The following PRKDC variants were observed in gnomAD, a reference collection of about 807,000 sequenced individuals.
The protein encoded by PRKDC is protein kinase, DNA-activated, catalytic subunit.
In PRKDC, 82 loss-of-function variants were observed where a neutral mutation model predicts 486.9. The ratio of observed to expected loss-of-function variants is 0.17; its 90% confidence interval spans 0.14 to 0.20. The LOEUF (loss-of-function observed/expected upper bound fraction) is 0.20, where lower values mean the gene tolerates loss of function less well. Ranked by LOEUF, PRKDC falls within the 10% of genes least tolerant of loss-of-function variation. PRKDC has a pLI of 1.00. For missense variants in PRKDC, 4,504 were observed against 5,038.2 expected (o/e 0.89, Z 3.21); for synonymous variants, 1,895 against 1,837.0 (o/e 1.03, Z -0.81).
At chr8:47,938,397 G>A (rs1439224726) in intron 11 of PRKDC, among the ~76,000 whole-genome samples, 1 of 141,336 alleles carries the variant, frequency 7.1e-6, no homozygotes, top group Non-Finnish European at 1.5e-5. Context: ...GGCAACAAAA[G>A]CGAAACTCCA....
intron 31 of PRKDC, 54 bp from the exon 32 acceptor site, chr8:47,890,534 G>T: frequency 1.5e-6 from 2 of 1,351,502 alleles, no homozygotes; most frequent in Non-Finnish European, 2.0e-6. Context: ...ACTCCACTAA[G>T]ATTAACATAA....
At chr8:47,928,642 T>C (rs1310488129) in intron 19 of PRKDC, among the ~76,000 whole-genome samples, 2 of 151,818 alleles carry the variant, frequency 1.3e-5, no homozygotes, top group African/African-American at 4.8e-5. Context: ...AACCTCCATC[T>C]CCCGGGTTCA....
At position 47,939,554 on chromosome 8, in the gene PRKDC, T is replaced by G. The variant is rs370275761; in HGVS notation, c.1110A>C (p.Ala370=). The change falls in exon 11 of 86, where the codon GCA becomes GCC. Residue 370 remains alanine, a synonymous_variant. Coordinates refer to ENST00000314191, the MANE Select transcript of PRKDC (RefSeq NM_006904.7). ...AGAGTAAGTTAATGAGACATACTCC[T>G]GCAAAAAGTCCATATCCACGGATAG... is the stretch of plus-strand genomic sequence containing the variant. ...SIAIRGYGLF[A]GPCKVINAKD... is the part of the protein sequence containing the mutation. The G allele has an allele frequency of 1.9e-6, 3 of 1,611,496 alleles. No individual in the cohort carries two copies. Among genetic ancestry groups the G allele is most frequent in the Non-Finnish European group, 2.5e-6 (3 of 1,179,134 alleles).
chr8:47,900,533 A>G, intron 27 of PRKDC, 66 bp from the exon 28 acceptor site: 3 of 1,407,912 alleles, frequency 2.1e-6, no homozygotes, highest in Non-Finnish European at 2.9e-6. Context: ...AAAGAAAAGA[A>G]GGAATGGAAT....
At position 47,887,632 on chromosome 8, in the gene PRKDC, T is replaced by C; in HGVS notation, c.4487A>G (p.Glu1496Gly). ...GTCTAGAGAAGGCAGACACTGTCTC[T>C]CATCTCCAGGGGCAATGCCTTTATA... The part of the protein sequence containing the change: ...LVYKGIAPGD[E>G]RQCLPSLDLS... Residue 1496 changes from glutamate (E) to glycine (G), a missense_variant, in exon 35 of 86, where the codon GAG becomes GGG. Physicochemically the swap from Glu to Gly is moderately conservative, Grantham distance 98. Around this residue, in one of 6 missense-constraint regions of PRKDC, gnomAD observed 1,969 missense variants for 2,068.9 expected, o/e 0.95. Transcript: ENST00000314191. 6.2e-7 allele frequency: 1 copy of C among 1,607,664 alleles called. No homozygotes were observed. Among genetic ancestry groups the C allele is most frequent in the Non-Finnish European group, 8.5e-7 (1 of 1,177,080 alleles).
intron 48 of PRKDC, among the ~76,000 whole-genome samples, chr8:47,858,066 G>A (rs1300912858): frequency 2.6e-5 from 4 of 152,110 alleles, no homozygotes; most frequent in African/African-American, 7.2e-5. Flanking sequence ...ACTTCACCAC[G>A]TCTAGCTCAA....
intron 7 of PRKDC, among the ~76,000 whole-genome samples, chr8:47,948,377 G>C (rs1168136393): frequency 6.6e-6 from 1 of 151,530 alleles, no homozygotes; most frequent in Non-Finnish European, 1.5e-5. Context: ...CAAAGTGCTG[G>C]GATTACAGGC....
At chr8:47,930,552 G>A (rs1208751208) in intron 17 of PRKDC, 120 bp downstream of exon 17, 39 of 996,944 alleles carry the variant, frequency 3.9e-5, no homozygotes, top group Non-Finnish European at 5.4e-5. Flanking sequence ...GATTACAGGC[G>A]TGAGCCACCG....
intron 61 of PRKDC, among the ~76,000 whole-genome samples, chr8:47,829,539 T>C (rs75276855): frequency 0.014 from 2,100 of 152,262 alleles, 59 homozygotes; most frequent in African/African-American, 0.048. Flanking sequence ...TATGTATGAC[T>C]AAAACATACA....
intron 30 of PRKDC, among the ~76,000 whole-genome samples, chr8:47,893,815 G>A (rs555002680): frequency 8.5e-5 from 13 of 152,210 alleles, no homozygotes; most frequent in African/African-American, 2.9e-4. Context: ...TAAGAGAATC[G>A]AATGAGCCGT....
chr8:47,818,795 T>A (rs1268612789), intron 67 of PRKDC, among the ~76,000 whole-genome samples: 3 of 152,198 alleles, frequency 2.0e-5, no homozygotes, highest in Non-Finnish European at 4.4e-5. Context: ...TTAATTTTAA[T>A]TATTTAGGAC....
intron 74 of PRKDC, among the ~76,000 whole-genome samples, chr8:47,794,012 T>G (rs1013888548): frequency 2.0e-5 from 3 of 152,214 alleles, no homozygotes; most frequent in Non-Finnish European, 4.4e-5. Context: ...CAGGAGCTGA[T>G]TTCAAAAATC....
intron 30 of PRKDC, among the ~76,000 whole-genome samples, chr8:47,895,718 A>G (rs909541757): frequency 1.4e-4 from 21 of 152,232 alleles, no homozygotes; most frequent in Non-Finnish European, 2.1e-4. Context: ...TATAAAAAAA[A>G]AAGTTGTTAG....
At chr8:47,919,183 G>A (rs574107798) in intron 21 of PRKDC, among the ~76,000 whole-genome samples, 1 of 152,240 alleles carries the variant, frequency 6.6e-6, no homozygotes, top group South Asian at 2.1e-4. Context: ...ATTCACCTAA[G>A]AATGTTTTTA....
intron 78 of PRKDC, chr8:47,783,105 T>A: frequency 6.2e-6 from 1 of 161,050 alleles, no homozygotes; most frequent in Admixed American, 5.9e-5. Flanking sequence ...TGGTCAAACC[T>A]TGTCTCTACT....
intron 40 of PRKDC, among the ~76,000 whole-genome samples, chr8:47,876,331 TG>T (rs1303627086): frequency 1.5e-4 from 23 of 152,282 alleles, no homozygotes; most frequent in Non-Finnish European, 2.9e-4. Context: ...AAGTTTACTA[TG>T]AGGAGTAGCC....
chr8:47,861,396 T>G (rs2088674792), intron 44 of PRKDC, among the ~76,000 whole-genome samples: 1 of 152,250 alleles, frequency 6.6e-6, no homozygotes, highest in South Asian at 2.1e-4. Context: ...AATTTTGTTG[T>G]TTTTTAGTTC....
At position 47,938,134 on chromosome 8, in the gene PRKDC, C is replaced by T. The variant is rs1225888455; in HGVS notation, c.1113+1417G>A. On this transcript the variant is annotated intron_variant, in intron 11 of 85. Transcript: ENST00000314191. ...AAAGGAAAAAGGGAGAGGCCAGGAG[C>T]GGTGGCTCATGCCTGTAATCCCAGC... Among the ~76,000 whole-genome samples, 8 of 151,756 alleles carry T rather than the reference C, an allele frequency of 5.3e-5. No individual in the cohort carries two copies. In the East Asian group the frequency reaches 5.8e-4, roughly 11 times the overall value.
chr8:47,893,114 C>T (rs2089497964), intron 31 of PRKDC, 25 bp downstream of exon 31: 1 of 1,555,026 alleles, frequency 6.4e-7, no homozygotes, highest in Non-Finnish European at 8.8e-7. Context: ...ACGACACACA[C>T]CAGAATAAGG....
Sources: gnomAD v4.1 joint callset for allele counts (sites outside exome capture counted in the v4.1 genomes callset) on GRCh38, gnomAD v4.1.1 for gene constraint, gnomAD v4.1.1 regional missense constraint, MANE v1.5 for transcripts, NCBI Gene and HGNC (gene_info 2026-07-23, HGNC 2026-07-21) for gene names.